Variants in UBE2B observed in about 807,000 individuals in gnomAD.
The protein encoded by UBE2B is ubiquitin-conjugating enzyme E2 B.
In UBE2B, 11 loss-of-function variants were observed where a neutral mutation model predicts 24.6. The ratio of observed to expected loss-of-function variants is 0.45; its 90% CI spans 0.28 to 0.74. The LOEUF (loss-of-function observed/expected upper bound fraction) is 0.74. UBE2B is among the 30% of genes least tolerant of loss of function. The probability of loss-of-function intolerance (pLI) is 0.13; values close to 1 mark genes in which losing one functional copy is unlikely to be tolerated. For missense variants in UBE2B, 78 were observed against 185.6 expected (o/e 0.42, Z 3.37); for synonymous variants, 68 against 62.4 (o/e 1.09, Z -0.42).
chr5:134,374,684 G>C lies in UBE2B; in HGVS notation c.125+221G>C, dbSNP rs1175050754. 1.1e-5 allele frequency: 6 copies of C among 521,778 alleles called. No individual in the cohort carries two copies. The African/African-American group carries it at 1.2e-4, about 10-fold the overall frequency. 32.3% of individuals were successfully genotyped at this position (521,778 alleles called of 1,614,324 possible). A position where few individuals can be genotyped will look rare whatever the true frequency, so the allele number is the denominator to read the frequency against. ...ATCGCTGGAGCCCAGGAGTTCACCA[G>C]CCTGGGCGATATAGTGAGACAGTGA... is the stretch of plus-strand genomic sequence containing the variant. On this transcript the variant is annotated intron_variant, in intron 2 of 5. Transcript: ENST00000265339.
chr5:134,385,285 A>G (rs1758781207), intron 4 of UBE2B, among the ~76,000 whole-genome samples: 1 of 152,214 alleles, frequency 6.6e-6, no homozygotes, highest in Non-Finnish European at 1.5e-5. Context: ...GCTAAGGCCA[A>G]TGATTGGGAA....
intron 4 of UBE2B, among the ~76,000 whole-genome samples, chr5:134,385,849 T>A (rs34205107): frequency 0.13 from 19,025 of 151,380 alleles, 1,375 homozygotes; most frequent in African/African-American, 0.18. Flanking sequence ...CCGTCTTTAC[T>A]AAAAATATAA....
intron 5 of UBE2B, chr5:134,389,048 T>C: frequency 3.3e-6 from 1 of 303,344 alleles, no homozygotes; most frequent in Non-Finnish European, 6.2e-6. Flanking sequence ...GCCTCCCGGG[T>C]TCAAGTGATT....
rs1758905965 is a variant in UBE2B at position 134,392,104 on chromosome 5, CT to C, written c.*1752del. The C allele has an allele frequency of 2.0e-5, 3 of 152,172 alleles. No individual in the cohort carries two copies. Among genetic ancestry groups the C allele is most frequent in the South Asian group, 4.1e-4 (2 of 4,832 alleles). 9.4% of individuals were successfully genotyped at this position (152,172 alleles called of 1,614,324 possible). On this transcript the variant is annotated 3_prime_UTR_variant, in exon 6 of 6. Transcript: ENST00000265339. ...ATTGTGTGGTGCTTTTATAGTTTAG[CT>C]CCAAAACAAACTATAGACATTCACT... is the stretch of plus-strand genomic sequence containing the variant.
At chr5:134,380,904 C>G in intron 4 of UBE2B, 96 bp downstream of exon 4, 1 of 701,518 alleles carries the variant, frequency 1.4e-6, no homozygotes. Context: ...TGTTAGGGCT[C>G]ACTTGTAGGT....
intron 4 of UBE2B, among the ~76,000 whole-genome samples, chr5:134,381,613 A>T (rs1245808062): frequency 2.0e-5 from 3 of 151,978 alleles, no homozygotes; most frequent in Non-Finnish European, 2.9e-5. Context: ...AAAGCTTCCA[A>T]ATTTGAGGTC....
chr5:134,378,487 C>G (rs1758647746), intron 3 of UBE2B, among the ~76,000 whole-genome samples: 1 of 152,138 alleles, frequency 6.6e-6, no homozygotes, highest in African/African-American at 2.4e-5. Context: ...GCCTTAAACT[C>G]CTGACCTCAG....
At chr5:134,379,804 C>A (rs1161497734) in intron 3 of UBE2B, among the ~76,000 whole-genome samples, 3 of 152,070 alleles carry the variant, frequency 2.0e-5, no homozygotes, top group African/African-American at 7.2e-5. Flanking sequence ...TTCTGTTAAG[C>A]CAGTCATTAA....
intron 4 of UBE2B, 147 bp downstream of exon 4, chr5:134,380,955 AT>A (rs1186834088): frequency 0.11 from 16,069 of 152,504 alleles, 5 homozygotes; most frequent in South Asian, 0.16. Context: ...TTTGTTGTGG[AT>A]TTTTTTTTTT....
intron 1 of UBE2B, among the ~76,000 whole-genome samples, chr5:134,372,976 G>T (rs147560411): frequency 2.0e-5 from 3 of 152,160 alleles, no homozygotes; most frequent in Admixed American, 1.3e-4. Flanking sequence ...TAGTAAACTA[G>T]TTCATGTCAT....
In UBE2B at chr5:134,390,383, CATT is replaced by C. The variant is rs752964121; in HGVS notation, c.*31_*33del. Reference sequence around the variant, plus strand: ...CAACTGGTCTGTTAATCTTTTTCATCATTGTTGTGTATAATTTACCTCTCATTA... The same window carrying C: ...CAACTGGTCTGTTAATCTTTTTCATCGTTGTGTATAATTTACCTCTCATTA... On this transcript the variant is annotated 3_prime_UTR_variant, in exon 6 of 6. Coordinates refer to ENST00000265339, the MANE Select transcript of UBE2B (RefSeq NM_003337.4). This position sits in a 1 kb window ranked among gnomAD's most constrained non-coding sequence, Gnocchi z 4.6. 27 of 1,612,662 alleles carry C rather than the reference CATT, an allele frequency of 1.7e-5. No individual in the cohort carries two copies. Among genetic ancestry groups the C allele is most frequent in the African/African-American group, 6.7e-5 (5 of 74,866 alleles).
At chr5:134,373,341 A>C (rs1197659916) in intron 1 of UBE2B, among the ~76,000 whole-genome samples, 2 of 151,312 alleles carry the variant, frequency 1.3e-5, no homozygotes, top group South Asian at 4.2e-4. Flanking sequence ...GCCATTTTGC[A>C]GAAGTAGCCT....
At chr5:134,379,517 G>A (rs1220160150) in intron 3 of UBE2B, among the ~76,000 whole-genome samples, 2 of 151,846 alleles carry the variant, frequency 1.3e-5, no homozygotes, top group East Asian at 1.9e-4. Flanking sequence ...GGGATGGCAC[G>A]TGCCTGTAAT....
intron 4 of UBE2B, among the ~76,000 whole-genome samples, chr5:134,384,481 A>T (rs1403056603): frequency 6.6e-6 from 1 of 152,186 alleles, no homozygotes; most frequent in Non-Finnish European, 1.5e-5. Context: ...ATTGAGTCAA[A>T]CCAAACCAAT....
At chr5:134,374,241 A>T (rs1010966579) in intron 1 of UBE2B, 142 bp from the exon 2 acceptor site, 8 of 747,794 alleles carry the variant, frequency 1.1e-5, no homozygotes, top group African/African-American at 1.7e-5. Context: ...TTTAAGTCAT[A>T]TGGTTCATTT....
chr5:134,388,213 A>T, intron 4 of UBE2B, 112 bp from the exon 5 acceptor site: 1 of 839,046 alleles, frequency 1.2e-6, no homozygotes, highest in Non-Finnish European at 2.0e-6. Context: ...AGAAGAATTT[A>T]GTTATTACCT....
chr5:134,379,643 C>CAAAAAAAAA (rs374868073), intron 3 of UBE2B, among the ~76,000 whole-genome samples: 2 of 92,248 alleles, frequency 2.2e-5, no homozygotes. Context: ...GACTCTGTCT[C>CAAAAAAAAA]AACAAAAAAA....
At chr5:134,372,736 T>C (rs998248709) in intron 1 of UBE2B, among the ~76,000 whole-genome samples, 9 of 152,196 alleles carry the variant, frequency 5.9e-5, no homozygotes, top group Admixed American at 2.6e-4. Flanking sequence ...CTTCTGTTCG[T>C]GGTGGCCTAA....
At chr5:134,386,558 G>A (rs954511076) in intron 4 of UBE2B, among the ~76,000 whole-genome samples, 2 of 151,842 alleles carry the variant, frequency 1.3e-5, no homozygotes, top group Admixed American at 1.3e-4. Flanking sequence ...CTTGAACCTG[G>A]GAGGCGGAGC....
Sources: gnomAD v4.1 joint callset for allele counts (sites outside exome capture counted in the v4.1 genomes callset) on GRCh38, gnomAD v4.1.1 for gene constraint, Gnocchi (gnomAD v3.1) non-coding constraint, MANE v1.5 for transcripts, NCBI Gene and HGNC (gene_info 2026-07-23, HGNC 2026-07-21) for gene names.